KCNQ3: variants seen among roughly 807,000 people sequenced by gnomAD.
KCNQ3 encodes the protein potassium voltage-gated channel subfamily Q member 3, also known as potassium voltage-gated channel subfamily KQT member 3.
Under a neutral mutation model 92.5 loss-of-function variants are expected in KCNQ3, and 30 were observed. That is an observed-to-expected ratio of 0.32 (90% confidence interval 0.24 to 0.44). KCNQ3 has a LOEUF of 0.44. Ranked by LOEUF, KCNQ3 falls within the 20% of genes least tolerant of loss-of-function variation. The pLI is 1.00. For synonymous variants in KCNQ3, 450 were observed against 468.8 expected (o/e 0.96, Z 0.52); for missense variants, 913 against 1,140.3 (o/e 0.80, Z 2.87).
chr8:132,466,945 C>T (rs1383136883), intron 1 of KCNQ3, among the ~76,000 whole-genome samples: 5 of 152,302 alleles, frequency 3.3e-5, no homozygotes, highest in Admixed American at 3.3e-4. Flanking sequence ...AAATAAACCA[C>T]GTGCCCTGAG....
intron 1 of KCNQ3, among the ~76,000 whole-genome samples, chr8:132,336,718 A>G (rs929281407): frequency 1.3e-5 from 2 of 152,088 alleles, no homozygotes; most frequent in African/African-American, 4.8e-5. Flanking sequence ...CCTCATAATT[A>G]TTCTGTATGT....
At chr8:132,474,094 T>C (rs1017709034) in intron 1 of KCNQ3, among the ~76,000 whole-genome samples, 3 of 152,118 alleles carry the variant, frequency 2.0e-5, no homozygotes, top group Non-Finnish European at 4.4e-5. Context: ...CCAAATGAGA[T>C]GAATGCCAAG....
intron 1 of KCNQ3, among the ~76,000 whole-genome samples, chr8:132,268,450 G>A (rs1314991386): frequency 2.0e-5 from 3 of 152,064 alleles, no homozygotes; most frequent in Non-Finnish European, 4.4e-5. Context: ...GTAGAGACGA[G>A]GTGTCACCAT....
chr8:132,220,684 G>T (rs765229769), intron 1 of KCNQ3, among the ~76,000 whole-genome samples: 1 of 152,144 alleles, frequency 6.6e-6, no homozygotes, highest in Non-Finnish European at 1.5e-5. Flanking sequence ...GGGAGGCAGA[G>T]GTTGCAGTGA....
intron 1 of KCNQ3, among the ~76,000 whole-genome samples, chr8:132,224,888 GA>G (rs1368033955): frequency 2.6e-5 from 4 of 152,178 alleles, no homozygotes; most frequent in Non-Finnish European, 5.9e-5. Flanking sequence ...AGGGGGCAGG[GA>G]AAGGGTCGGG....
At chr8:132,365,423 C>T (rs913888703) in intron 1 of KCNQ3, among the ~76,000 whole-genome samples, 3 of 152,218 alleles carry the variant, frequency 2.0e-5, no homozygotes, top group Non-Finnish European at 4.4e-5. Flanking sequence ...GGTGCCTGTG[C>T]ATGTTTTTTC....
intron 1 of KCNQ3, among the ~76,000 whole-genome samples, chr8:132,443,695 G>A (rs935787154): frequency 1.3e-5 from 2 of 152,078 alleles, no homozygotes; most frequent in African/African-American, 4.8e-5. Context: ...GATGTTTTTT[G>A]TTGCATTTTG....
intron 1 of KCNQ3, among the ~76,000 whole-genome samples, chr8:132,307,877 G>A (rs58498752): frequency 0.22 from 32,705 of 152,018 alleles, 3,756 homozygotes; most frequent in African/African-American, 0.29. Flanking sequence ...TCGGGGAGTT[G>A]CACAGCTCCC....
intron 7 of KCNQ3, among the ~76,000 whole-genome samples, chr8:132,171,055 CAG>C (rs1300303597): frequency 6.6e-6 from 1 of 151,880 alleles, no homozygotes; most frequent in Non-Finnish European, 1.5e-5. Flanking sequence ...TAAAAATAAA[CAG>C]AAACAAGTGC....
chr8:132,152,242 A>G (rs1402866306), intron 9 of KCNQ3, among the ~76,000 whole-genome samples: 1 of 152,214 alleles, frequency 6.6e-6, no homozygotes, highest in African/African-American at 2.4e-5. Flanking sequence ...AAGCAAAACA[A>G]GAGCTAACCG....
At chr8:132,219,231 G>A (rs1213552024) in intron 1 of KCNQ3, among the ~76,000 whole-genome samples, 2 of 152,186 alleles carry the variant, frequency 1.3e-5, no homozygotes, top group Non-Finnish European at 2.9e-5. Context: ...TGATTCAGCA[G>A]GTCTCAGGTG....
chr8:132,284,154 G>A (rs1816611808), intron 1 of KCNQ3, among the ~76,000 whole-genome samples: 1 of 152,128 alleles, frequency 6.6e-6, no homozygotes, highest in Non-Finnish European at 1.5e-5. Context: ...TGCACATTGT[G>A]CACATGTGCC....
At chr8:132,411,377 T>C (rs539340358) in intron 1 of KCNQ3, among the ~76,000 whole-genome samples, 10 of 152,026 alleles carry the variant, frequency 6.6e-5, no homozygotes, top group Admixed American at 2.0e-4. Flanking sequence ...CGACATGGGA[T>C]TGGGGACGTA....
chr8:132,386,333 T>C (rs1482696646), intron 1 of KCNQ3, among the ~76,000 whole-genome samples: 1 of 152,026 alleles, frequency 6.6e-6, no homozygotes, highest in East Asian at 1.9e-4. Flanking sequence ...AAAATATAAA[T>C]TAAGAGTAAA....
chr8:132,227,079 T>C (rs1814450884), intron 1 of KCNQ3, among the ~76,000 whole-genome samples: 1 of 148,902 alleles, frequency 6.7e-6, no homozygotes. Flanking sequence ...TTTTTTTTTT[T>C]TAGATGGAGT....
At chr8:132,310,132 C>T (rs906967991) in intron 1 of KCNQ3, among the ~76,000 whole-genome samples, 13 of 152,268 alleles carry the variant, frequency 8.5e-5, no homozygotes, top group African/African-American at 2.6e-4. Flanking sequence ...AATATATCTC[C>T]GTGTACCCCA....
chr8:132,164,121 A>G (rs1186047466), intron 8 of KCNQ3, among the ~76,000 whole-genome samples: 1 of 151,414 alleles, frequency 6.6e-6, no homozygotes, highest in African/African-American at 2.4e-5. Flanking sequence ...CATATTCATG[A>G]CTCCAAGCCT....
intron 1 of KCNQ3, among the ~76,000 whole-genome samples, chr8:132,273,455 GAAACCATTTTTT>G (rs1816226370): frequency 6.6e-6 from 1 of 152,188 alleles, no homozygotes; most frequent in Non-Finnish European, 1.5e-5. Context: ...CCCAGCCCAT[GAAACCATTTTTT>G]CTTCCTAGGC....
At chr8:132,280,051 T>A (rs909677362) in intron 1 of KCNQ3, among the ~76,000 whole-genome samples, 14 of 152,300 alleles carry the variant, frequency 9.2e-5, no homozygotes, top group African/African-American at 3.1e-4. Flanking sequence ...GTGCTGGTGA[T>A]AACAGCAATG....
Sources: gnomAD v4.1 joint callset for allele counts (sites outside exome capture counted in the v4.1 genomes callset) on GRCh38, gnomAD v4.1.1 for gene constraint, MANE v1.5 for transcripts, NCBI Gene and HGNC (gene_info 2026-07-23, HGNC 2026-07-21) for gene names.